PAM: variants seen among roughly 807,000 people sequenced by gnomAD.
PAM encodes the protein peptidylglycine alpha-amidating monooxygenase, also known as peptidyl-glycine alpha-amidating monooxygenase.
PAM carries 72 observed loss-of-function variants against 122.1 expected under a neutral mutation model. That is an observed-to-expected ratio of 0.59 (90% confidence interval 0.49 to 0.72). The LOEUF is 0.72. Ranked by LOEUF, PAM falls within the 30% of genes least tolerant of loss-of-function variation. The pLI is 0.00. For missense variants in PAM, 1,106 were observed against 1,183.7 expected (o/e 0.93, Z 0.96); for synonymous variants, 389 against 404.4 (o/e 0.96, Z 0.46).
chr5:102,911,971 GA>G (rs557277608), intron 4 of PAM, among the ~76,000 whole-genome samples: 89 of 152,056 alleles, frequency 5.9e-4, no homozygotes, highest in African/African-American at 1.9e-3. Context: ...TTCAATTTTT[GA>G]ATGTTTCCCA....
At chr5:102,793,609 C>T (rs1762611728) in intron 1 of PAM, among the ~76,000 whole-genome samples, 1 of 152,166 alleles carries the variant, frequency 6.6e-6, no homozygotes, top group South Asian at 2.1e-4. Context: ...TTAACTAAAA[C>T]AGCTATTGCT....
At chr5:102,940,069 G>C (rs537212930) in intron 7 of PAM, among the ~76,000 whole-genome samples, 1 of 150,936 alleles carries the variant, frequency 6.6e-6, no homozygotes, top group Non-Finnish European at 1.5e-5. Context: ...CAAAATAGTT[G>C]AGAATTCCAA....
At chr5:103,014,230 A>T (rs1267453583) in intron 21 of PAM, among the ~76,000 whole-genome samples, 2 of 152,216 alleles carry the variant, frequency 1.3e-5, no homozygotes, top group Non-Finnish European at 2.9e-5. Context: ...AGAAATAAAA[A>T]CTAAGTGCTA....
At chr5:102,774,237 G>T (rs547182888) in intron 1 of PAM, among the ~76,000 whole-genome samples, 2 of 152,076 alleles carry the variant, frequency 1.3e-5, no homozygotes, top group Non-Finnish European at 2.9e-5. Flanking sequence ...CCAGTAACTG[G>T]ATTGCTGGAT....
At chr5:102,813,556 CTTTAA>C (rs1344934492) in intron 1 of PAM, among the ~76,000 whole-genome samples, 2 of 152,144 alleles carry the variant, frequency 1.3e-5, no homozygotes, top group African/African-American at 4.8e-5. Flanking sequence ...AGTTGTTTTT[CTTTAA>C]TTTATTGTTG....
chr5:102,804,790 G>A (rs112300163), intron 1 of PAM, among the ~76,000 whole-genome samples: 2,152 of 152,260 alleles, frequency 0.014, 58 homozygotes, highest in African/African-American at 0.049. Context: ...AAGAATGGCC[G>A]CTGTAGCTGA....
At chr5:102,967,616 C>T (rs1764495940) in intron 14 of PAM, among the ~76,000 whole-genome samples, 2 of 152,022 alleles carry the variant, frequency 1.3e-5, no homozygotes, top group Admixed American at 1.3e-4. Flanking sequence ...TTTCTCCCTT[C>T]CCAGAGATAA....
At chr5:103,000,742 G>A (rs1582757733) in intron 16 of PAM, among the ~76,000 whole-genome samples, 1 of 152,098 alleles carries the variant, frequency 6.6e-6, no homozygotes, top group Non-Finnish European at 1.5e-5. Flanking sequence ...GAAGTGCCAA[G>A]CAAAAGGGGG....
intron 21 of PAM, 65 bp downstream of exon 21, chr5:103,009,931 A>C: frequency 1.2e-6 from 1 of 811,964 alleles, no homozygotes; most frequent in Non-Finnish European, 1.9e-6. Context: ...AAATCTTGGC[A>C]TTCAATCTGT....
chr5:102,913,586 CTG>C (rs1159435726), intron 4 of PAM, among the ~76,000 whole-genome samples: 1 of 151,926 alleles, frequency 6.6e-6, no homozygotes, highest in Non-Finnish European at 1.5e-5. Flanking sequence ...ATACTCAGCA[CTG>C]TACTGATGTC....
At chr5:102,971,741 C>T (rs929389211) in intron 14 of PAM, among the ~76,000 whole-genome samples, 1 of 152,114 alleles carries the variant, frequency 6.6e-6, no homozygotes, top group Non-Finnish European at 1.5e-5. Flanking sequence ...TGTTCTACTC[C>T]ATCTGTTATA....
Position 103,016,558 on chromosome 5 carries a change from T to G in PAM, c.2332-776T>G, listed in dbSNP as rs144447627. Reference sequence around the variant, plus strand: ...AAGGCTTCTCTTCCAAGAACTAGTTTGGTGATCCCCAAAAGAAAGTCACAA... The same window carrying G: ...AAGGCTTCTCTTCCAAGAACTAGTTGGGTGATCCCCAAAAGAAAGTCACAA... On this transcript the variant is annotated intron_variant, in intron 21 of 25. Coordinates refer to ENST00000438793, the MANE Select transcript of PAM (RefSeq NM_001177306.2). Among the ~76,000 whole-genome samples, 4 of 152,344 alleles carry G rather than the reference T, an allele frequency of 2.6e-5. No homozygotes were observed. In the South Asian group the frequency reaches 8.3e-4, roughly 32 times the overall value.
intron 12 of PAM, among the ~76,000 whole-genome samples, chr5:102,953,384 G>GT (rs1356174799): frequency 6.6e-6 from 1 of 151,472 alleles, no homozygotes; most frequent in African/African-American, 2.4e-5. Context: ...TTTACAAGGA[G>GT]GGGGGGGAAT....
At chr5:102,889,799 C>G (rs1433677741) in intron 3 of PAM, among the ~76,000 whole-genome samples, 2 of 151,830 alleles carry the variant, frequency 1.3e-5, no homozygotes, top group Non-Finnish European at 2.9e-5. Flanking sequence ...TTTCCTTGGT[C>G]CCCTTATTGG....
intron 1 of PAM, among the ~76,000 whole-genome samples, chr5:102,841,769 C>T (rs116283818): frequency 6.6e-6 from 1 of 152,064 alleles, no homozygotes; most frequent in African/African-American, 2.4e-5. Context: ...GAAATAGAAG[C>T]TGGAGATAAT....
chr5:102,900,237 C>G (rs1462794049), intron 3 of PAM, among the ~76,000 whole-genome samples: 1 of 92,620 alleles, frequency 1.1e-5, no homozygotes, highest in African/African-American at 4.5e-5. Context: ...TTCTTCAGGT[C>G]TCTTAATGTG....
chr5:102,806,825 C>A lies in PAM; in HGVS notation c.-374+51477C>A, dbSNP rs183322350. On this transcript the variant is annotated intron_variant, in intron 1 of 25. Coordinates refer to ENST00000438793, the MANE Select transcript of PAM (RefSeq NM_001177306.2). ...TCTAATCTATATGGGAATGAAAAGC[C>A]CAACTTATCAATTAAGTTAAAATTT... Among the ~76,000 whole-genome samples the A allele has an allele frequency of 7.9e-5, 12 of 152,234 alleles. No individual in the cohort carries two copies. In the South Asian group the frequency reaches 2.5e-3, roughly 32 times the overall value.
Position 102,831,437 on chromosome 5 carries a change from C to CT in PAM, c.-373-34375dup, listed in dbSNP as rs60621758. Among the ~76,000 whole-genome samples the CT allele has an allele frequency of 4.2e-3, 632 of 148,926 alleles. 5 individuals are homozygous for CT. The highest frequency in any genetic ancestry group is 0.013 in the African/African-American group (518 of 40,662). On this transcript the variant is annotated intron_variant, in intron 1 of 25. Transcript: ENST00000438793. ...TTCATTATCGAGCTCTTTTTTTTTCCTTTTTTTTTTTACAAAGTATGCCAT... is the reference window on the plus strand; with the variant it reads ...TTCATTATCGAGCTCTTTTTTTTTCCTTTTTTTTTTTTACAAAGTATGCCAT...
chr5:102,885,874 G>A (rs1792918213), intron 3 of PAM, among the ~76,000 whole-genome samples: 1 of 151,928 alleles, frequency 6.6e-6, no homozygotes, highest in African/African-American at 2.4e-5. Context: ...TGAATAAGGT[G>A]TTTCATACAG....
Sources: allele counts gnomAD v4.1 joint callset (sites outside exome capture counted in the v4.1 genomes callset), GRCh38; gene constraint gnomAD v4.1.1; transcripts MANE v1.5; gene names NCBI Gene and HGNC (gene_info 2026-07-23, HGNC 2026-07-21).